SPSB4: variants seen among roughly 807,000 people sequenced by gnomAD.
SPSB4 encodes SPRY domain-containing SOCS box protein 4.
SPSB4 carries 21 observed loss-of-function variants against 20.9 expected under a neutral mutation model. That is an observed-to-expected ratio of 1.01 (90% CI 0.71 to 1.45). SPSB4 has a LOEUF of 1.45. Ranked by LOEUF, SPSB4 falls within the 40% of genes most tolerant of loss-of-function variation. The pLI is 0.00. For missense variants in SPSB4, 399 were observed against 399.2 expected, an observed-to-expected ratio of 1.00 and a Z score of 0.00; for synonymous variants, 207 against 183.8, an observed-to-expected ratio of 1.13 and a Z score of -1.02.
At chr3:141,078,117 C>T (rs1352693321) in intron 2 of SPSB4, among the ~76,000 whole-genome samples, 1 of 152,204 alleles carries the variant, frequency 6.6e-6, no homozygotes, top group African/African-American at 2.4e-5. Context: ...AGGGCTTCTC[C>T]TCAGGTGCAG....
rs1007899231 is a variant in SPSB4 at position 141,147,562 on chromosome 3, G to A, written c.*293G>A. ...TCCTGCCACCAACCAGGACACAGCA[G>A]CCACCGTATTGATCAGAGAGCCTGT... On this transcript the variant is annotated 3_prime_UTR_variant, in exon 3 of 3. Coordinates refer to ENST00000310546, the MANE Select transcript of SPSB4 (RefSeq NM_080862.3). The A allele has an allele frequency of 4.8e-5, 19 of 391,780 alleles. No homozygotes were observed. In the South Asian group the frequency reaches 7.6e-4, roughly 16 times the overall value. 24.3% of individuals were successfully genotyped at this position (391,780 alleles called of 1,614,324 possible).
At chr3:141,059,413 T>C (rs1181795648) in intron 1 of SPSB4, among the ~76,000 whole-genome samples, 1 of 147,316 alleles carries the variant, frequency 6.8e-6, no homozygotes, top group African/African-American at 2.5e-5. Context: ...GCTTGGCTTC[T>C]AGAGAGGCCT....
At chr3:141,111,501 G>C (rs192731294) in intron 2 of SPSB4, among the ~76,000 whole-genome samples, 27 of 151,758 alleles carry the variant, frequency 1.8e-4, no homozygotes. Flanking sequence ...CATGCTTGGT[G>C]GTTATTTTTG....
chr3:141,057,379 G>A (rs909265448), intron 1 of SPSB4, among the ~76,000 whole-genome samples: 1 of 152,182 alleles, frequency 6.6e-6, no homozygotes, highest in Non-Finnish European at 1.5e-5. Flanking sequence ...TTTGCACAGA[G>A]TCAAAAATTG....
chr3:141,075,003 A>T (rs1033371603), intron 2 of SPSB4, among the ~76,000 whole-genome samples: 15 of 152,188 alleles, frequency 9.9e-5, no homozygotes, highest in Non-Finnish European at 1.9e-4. Flanking sequence ...TGGACCAGAG[A>T]GCTGGGAGGC....
intron 2 of SPSB4, among the ~76,000 whole-genome samples, chr3:141,139,594 A>T (rs1349715487): frequency 2.0e-5 from 3 of 152,166 alleles, no homozygotes; most frequent in Non-Finnish European, 4.4e-5. Context: ...TTCACTTATG[A>T]AGCTTAGTTT....
chr3:141,088,093 G>A (rs1342644988), intron 2 of SPSB4, among the ~76,000 whole-genome samples: 5 of 152,096 alleles, frequency 3.3e-5, no homozygotes, highest in Non-Finnish European at 1.5e-5. Context: ...GGGTCTCTCT[G>A]CTCTCTGAGT....
chr3:141,134,980 T>G (rs1939201574), intron 2 of SPSB4, among the ~76,000 whole-genome samples: 1 of 152,116 alleles, frequency 6.6e-6, no homozygotes, highest in African/African-American at 2.4e-5. Context: ...AGTGAATTCT[T>G]AAGTATATAC....
intron 2 of SPSB4, among the ~76,000 whole-genome samples, chr3:141,120,356 T>A (rs1938947995): frequency 6.6e-6 from 1 of 152,220 alleles, no homozygotes; most frequent in African/African-American, 2.4e-5. Flanking sequence ...AATTTTAGAA[T>A]AAGTGTGATG....
intron 2 of SPSB4, among the ~76,000 whole-genome samples, chr3:141,068,797 G>C (rs971228817): frequency 4.6e-5 from 7 of 152,180 alleles, no homozygotes; most frequent in Admixed American, 3.9e-4. Flanking sequence ...GGGCTTTATT[G>C]GTTGCCTGGT....
chr3:141,062,588 T>C (rs952423541), intron 1 of SPSB4, among the ~76,000 whole-genome samples: 6 of 152,174 alleles, frequency 3.9e-5, no homozygotes, highest in African/African-American at 1.4e-4. Context: ...CTTTTTGTTA[T>C]TGTTGTATTC....
chr3:141,147,346 A>G lies in SPSB4; in HGVS notation c.*77A>G. 1 of 1,590,278 alleles carries G rather than the reference A, an allele frequency of 6.3e-7. No individual in the cohort carries two copies. ...CTCCTGTCATTCACAGTCCCATGGC[A>G]CATAGGGGAAAGGATCTACCCTTCT... On this transcript the variant is annotated 3_prime_UTR_variant, in exon 3 of 3. Transcript: ENST00000310546.
chr3:141,079,834 G>T (rs1382902313), intron 2 of SPSB4, among the ~76,000 whole-genome samples: 1 of 152,164 alleles, frequency 6.6e-6, no homozygotes, highest in Non-Finnish European at 1.5e-5. Flanking sequence ...AAATGATGAG[G>T]CAGAGGGAGC....
rs1370863236 is a variant in SPSB4, at chr3:141,051,554, G to A, written c.-592G>A. 1.3e-5 allele frequency: 2 copies of A among 152,122 alleles called. No homozygotes were observed. The highest frequency in any genetic ancestry group is 1.8e-4 in the South Asian group (1 of 5,450). The allele number at this position is 152,122 out of a possible 1,614,324, so 9.4% of individuals were successfully genotyped here. A position where few individuals can be genotyped will look rare whatever the true frequency, so the allele number is the denominator to read the frequency against. On this transcript the variant is annotated 5_prime_UTR_variant, in exon 1 of 3. It adds an upstream start codon to the 5' untranslated region. Transcript: ENST00000310546. Reference sequence around the variant, plus strand: ...GGGCCCCAGCTGCTGCTACCGCTGCGTGCGCTCAGGGCGCTGGGGAAGACG... The same window carrying A: ...GGGCCCCAGCTGCTGCTACCGCTGCATGCGCTCAGGGCGCTGGGGAAGACG...
At chr3:141,131,804 C>T (rs1008966346) in intron 2 of SPSB4, among the ~76,000 whole-genome samples, 7 of 152,144 alleles carry the variant, frequency 4.6e-5, no homozygotes, top group Non-Finnish European at 1.0e-4. Flanking sequence ...TGTGAATGAA[C>T]ATTTTGGTGA....
chr3:141,123,127 T>C (rs1417862820), intron 2 of SPSB4, among the ~76,000 whole-genome samples: 1 of 152,256 alleles, frequency 6.6e-6, no homozygotes, highest in Non-Finnish European at 1.5e-5. Context: ...ACTTCTGATA[T>C]ACAGAATTGG....
chr3:141,116,875 T>A (rs1938887704), intron 2 of SPSB4, among the ~76,000 whole-genome samples: 1 of 152,182 alleles, frequency 6.6e-6, no homozygotes, highest in Non-Finnish European at 1.5e-5. Flanking sequence ...GGCCTCTGCT[T>A]CTGATGAGAA....
chr3:141,143,907 T>A (rs1236320649), intron 2 of SPSB4, among the ~76,000 whole-genome samples: 1 of 152,196 alleles, frequency 6.6e-6, no homozygotes, highest in Non-Finnish European at 1.5e-5. Flanking sequence ...GAGTCCTCAT[T>A]TTTACATTAA....
At chr3:141,128,629 G>A (rs1260644867) in intron 2 of SPSB4, among the ~76,000 whole-genome samples, 1 of 152,164 alleles carries the variant, frequency 6.6e-6, no homozygotes, top group South Asian at 2.1e-4. Context: ...AGTTGAGGCA[G>A]CTGGGGGGAG....
Sources: allele counts gnomAD v4.1 joint callset (sites outside exome capture counted in the v4.1 genomes callset), GRCh38; gene constraint gnomAD v4.1.1; transcripts MANE v1.5; gene names NCBI Gene and HGNC (gene_info 2026-07-23, HGNC 2026-07-21).